The following WWP1 variants were observed in gnomAD, a reference collection of about 807,000 sequenced individuals.
The protein encoded by WWP1 is WW domain containing E3 ubiquitin protein ligase 1.
Under a neutral mutation model 130.6 loss-of-function variants are expected in WWP1, and 49 were observed. That is an observed-to-expected ratio of 0.38 (90% CI 0.30 to 0.48). The LOEUF is 0.48. Among genes scored for constraint, WWP1 ranks in the 20% least tolerant of loss-of-function variants. The pLI, the probability that WWP1 is intolerant of heterozygous loss-of-function variation, is 0.99. For synonymous variants in WWP1, 332 were observed against 367.8 expected (o/e 0.90, Z 1.11); for missense variants, 809 against 1,100.6 (o/e 0.74, Z 3.75).
chr8:86,458,904 C>T (rs1811601631), intron 22 of WWP1, among the ~76,000 whole-genome samples: 1 of 151,766 alleles, frequency 6.6e-6, no homozygotes, highest in Non-Finnish European at 1.5e-5. Context: ...CATTGGTATA[C>T]TAACAGAGAC....
At chr8:86,462,996 A>G (rs1016575249) in intron 24 of WWP1, among the ~76,000 whole-genome samples, 2 of 152,204 alleles carry the variant, frequency 1.3e-5, no homozygotes, top group African/African-American at 4.8e-5. Flanking sequence ...TTGTGTGACA[A>G]AATAGGAAGT....
rs57679709 is a variant in WWP1 at position 86,360,142 on chromosome 8, CA to C, written c.-114-8787del. Among the ~76,000 whole-genome samples, 39 of 145,250 alleles carry C rather than the reference CA, an allele frequency of 2.7e-4. 1 individual carries two copies. Among genetic ancestry groups the C allele is most frequent in the East Asian group, 1.9e-3 (9 of 4,820 alleles). On this transcript the variant is annotated intron_variant, in intron 1 of 24. Transcript: ENST00000517970. Reference sequence around the variant, plus strand: ...TGGGCAACAGACTGAGACTCCGTCTCAAAAAAAAAACAAAAAACCAAACCAA... The same window carrying C: ...TGGGCAACAGACTGAGACTCCGTCTCAAAAAAAAACAAAAAACCAAACCAA...
At chr8:86,407,424 G>A (rs1019879882) in intron 8 of WWP1, among the ~76,000 whole-genome samples, 4 of 152,040 alleles carry the variant, frequency 2.6e-5, no homozygotes, top group Admixed American at 6.5e-5. Context: ...TGTTGTAGGG[G>A]GCTGTCCTGT....
intron 18 of WWP1, among the ~76,000 whole-genome samples, chr8:86,443,553 T>G (rs1810704400): frequency 6.6e-6 from 1 of 152,232 alleles, no homozygotes; most frequent in African/African-American, 2.4e-5. Flanking sequence ...AAAAATTTAT[T>G]GACAGCCTAC....
intron 17 of WWP1, 44 bp downstream of exon 17, chr8:86,438,717 A>G: frequency 6.9e-7 from 1 of 1,451,234 alleles, no homozygotes; most frequent in Non-Finnish European, 9.4e-7. Flanking sequence ...AGTATATCTC[A>G]TTGTATACAG....
intron 14 of WWP1, 46 bp downstream of exon 14, chr8:86,431,789 A>G (rs770124471): frequency 1.2e-6 from 2 of 1,605,044 alleles, no homozygotes; most frequent in African/African-American, 1.3e-5. Context: ...CTTAGTGAGC[A>G]CATGAGATTT....
At chr8:86,389,533 T>A (rs1825492597) in intron 5 of WWP1, among the ~76,000 whole-genome samples, 1 of 152,218 alleles carries the variant, frequency 6.6e-6, no homozygotes, top group Non-Finnish European at 1.5e-5. Flanking sequence ...CAGAACAAAA[T>A]GGAGTCTCTT....
intron 11 of WWP1, among the ~76,000 whole-genome samples, chr8:86,428,972 A>G (rs1301526475): frequency 2.6e-5 from 4 of 152,312 alleles, no homozygotes; most frequent in East Asian, 3.9e-4. Context: ...CCTTAAACAC[A>G]TTGAGGTTTA....
intron 8 of WWP1, 114 bp downstream of exon 8, chr8:86,402,317 G>A (rs969671766): frequency 5.5e-5 from 72 of 1,301,052 alleles, no homozygotes; most frequent in Middle Eastern, 2.0e-4. Flanking sequence ...ACGGAGTCTC[G>A]CTCTGTCACC....
intron 5 of WWP1, among the ~76,000 whole-genome samples, chr8:86,384,352 A>G (rs1825164062): frequency 1.3e-5 from 2 of 152,196 alleles, no homozygotes; most frequent in African/African-American, 4.8e-5. Flanking sequence ...GAAGACATTT[A>G]TGGGTATTAG....
chr8:86,461,074 G>GC (rs1811745490), intron 22 of WWP1, 150 bp from the exon 23 acceptor site: 1 of 600,372 alleles, frequency 1.7e-6, no homozygotes, highest in East Asian at 3.2e-5. Context: ...CTCCCAAAAT[G>GC]CTGGGATTAC....
rs997190602 is a variant in WWP1, at chr8:86,457,786, T to A, written c.2395-135T>A. The stretch of plus-strand genomic sequence containing the variant: ...CCACAGTTTTGTTATATTTGCTTAT[T>A]GTGATCATTATATGCCATGCATATA... On this transcript the variant is annotated intron_variant, in intron 21 of 24. Coordinates refer to ENST00000517970, the MANE Select transcript of WWP1 (RefSeq NM_007013.4). 8.0e-6 allele frequency: 5 copies of A among 624,342 alleles called. No homozygotes were observed. In the Admixed American group the frequency reaches 1.6e-4, roughly 20 times the overall value. The allele number at this position is 624,342 out of a possible 1,614,324, so 38.7% of individuals were successfully genotyped here.
intron 16 of WWP1, among the ~76,000 whole-genome samples, chr8:86,437,452 A>G (rs1057276002): frequency 3.3e-5 from 5 of 152,224 alleles, no homozygotes; most frequent in Non-Finnish European, 7.3e-5. Flanking sequence ...CTAGTCAGAA[A>G]AATTTACCTG....
At chr8:86,466,537 ATTTT>A (rs369113098) in intron 24 of WWP1, among the ~76,000 whole-genome samples, 5 of 146,908 alleles carry the variant, frequency 3.4e-5, no homozygotes, top group African/African-American at 5.0e-5. Context: ...AAGAAAATGG[ATTTT>A]TTTTTTTTTT....
intron 5 of WWP1, among the ~76,000 whole-genome samples, chr8:86,393,299 C>T (rs11780741): frequency 4.6e-5 from 7 of 152,026 alleles, no homozygotes; most frequent in African/African-American, 7.3e-5. Flanking sequence ...CTCCATCTCC[C>T]GGGTTGAAGC....
Position 86,411,624 on chromosome 8 carries a change from C to A in WWP1, c.811C>A (p.Pro271Thr), listed in dbSNP as rs1808591000. The A allele has an allele frequency of 6.2e-7, 1 of 1,614,034 alleles. No individual in the cohort carries two copies. Among genetic ancestry groups the A allele is most frequent in the African/African-American group, 1.3e-5 (1 of 74,934 alleles). ...AGTGTCTGAAGAAAATGCCTTGTCT[C>A]CAAATTGCACTAGTACTACTGTTGA... The part of the protein sequence containing the change: ...PVVSEENALS[P>T]NCTSTTVEDP... The change falls in exon 9 of 25, where the codon CCA becomes ACA. Residue 271 changes from proline to threonine, a missense_variant. Around this residue, in one of 3 missense-constraint regions of WWP1, gnomAD observed 262 missense variants for 346.0 expected, o/e 0.76. Coordinates refer to ENST00000517970, the MANE Select transcript of WWP1 (RefSeq NM_007013.4).
intron 21 of WWP1, among the ~76,000 whole-genome samples, chr8:86,453,503 C>T (rs1424297883): frequency 6.6e-6 from 1 of 152,104 alleles, no homozygotes; most frequent in Admixed American, 6.6e-5. Flanking sequence ...CTGCTGTGAA[C>T]ACAGGTGTAC....
At chr8:86,418,254 T>A (rs10956830) in intron 9 of WWP1, among the ~76,000 whole-genome samples, 111,056 of 152,086 alleles carry the variant, frequency 0.73, 41,409 homozygotes, top group African/African-American at 0.82. Flanking sequence ...TGCAAAACAG[T>A]TGAAGGCCCA....
chr8:86,422,319 GTATTTATT>G lies in WWP1; in HGVS notation c.1062-2868_1062-2861del, dbSNP rs55854341. Among the ~76,000 whole-genome samples the G allele has an allele frequency of 1.9e-3, 283 of 148,082 alleles. 2 individuals carry two copies. Among genetic ancestry groups the G allele is most frequent in the South Asian group, 3.4e-3 (16 of 4,696 alleles). On this transcript the variant is annotated intron_variant, in intron 9 of 24. Coordinates refer to ENST00000517970, the MANE Select transcript of WWP1 (RefSeq NM_007013.4). ...GTCTTAAACTCAGAAGTACCAGTTTGTATTTATTTATTTATTTATTTATTTATTTATTT... is the reference window on the plus strand; with the variant it reads ...GTCTTAAACTCAGAAGTACCAGTTTGTATTTATTTATTTATTTATTTATTT...
Sources: allele counts gnomAD v4.1 joint callset (sites outside exome capture counted in the v4.1 genomes callset), GRCh38; gene constraint gnomAD v4.1.1; regional missense constraint gnomAD v4.1.1; transcripts MANE v1.5; gene names NCBI Gene and HGNC (gene_info 2026-07-23, HGNC 2026-07-21).